The following MYT1L variants were observed in gnomAD, a reference collection of about 807,000 sequenced individuals.
MYT1L encodes myelin transcription factor 1 like.
MYT1L carries 12 observed loss-of-function variants against 126.7 expected under a neutral mutation model. That is an observed-to-expected ratio of 0.09 (90% CI 0.06 to 0.15). MYT1L has a LOEUF of 0.15. Ranked by LOEUF, MYT1L falls within the 10% of genes least tolerant of loss-of-function variation. MYT1L has a pLI of 1.00. For missense variants in MYT1L, 979 were observed against 1,585.2 expected, an observed-to-expected ratio of 0.62 and a Z score of 6.49; for synonymous variants, 541 against 604.2, an observed-to-expected ratio of 0.90 and a Z score of 1.53.
chr2:1,966,357 A>G (rs1036461191), intron 8 of MYT1L, among the ~76,000 whole-genome samples: 2 of 152,242 alleles, frequency 1.3e-5, no homozygotes, highest in African/African-American at 4.8e-5. Context: ...AAAACAAGAC[A>G]ATTCCGGTTT....
chr2:2,197,036 A>G (rs1361665601), intron 2 of MYT1L, among the ~76,000 whole-genome samples: 1 of 152,136 alleles, frequency 6.6e-6, no homozygotes, highest in Non-Finnish European at 1.5e-5. Context: ...GTTAAGGAAA[A>G]TTATTATAAA....
intron 10 of MYT1L, among the ~76,000 whole-genome samples, chr2:1,920,523 C>T (rs1228856408): frequency 6.6e-6 from 1 of 152,092 alleles, no homozygotes; most frequent in Admixed American, 6.5e-5. Context: ...AATCAGCCTT[C>T]CCTTGACACA....
intron 8 of MYT1L, among the ~76,000 whole-genome samples, chr2:1,945,912 G>A (rs993508464): frequency 2.6e-5 from 4 of 152,164 alleles, no homozygotes; most frequent in African/African-American, 9.7e-5. Flanking sequence ...CGAAAGGGAA[G>A]AGAAACAATT....
intron 3 of MYT1L, among the ~76,000 whole-genome samples, chr2:2,058,699 T>C (rs1436137179): frequency 6.6e-6 from 1 of 152,242 alleles, no homozygotes; most frequent in Non-Finnish European, 1.5e-5. Flanking sequence ...TGGGGAATGA[T>C]AACAGTAGTA....
chr2:1,906,915 A>C (rs187609870), intron 13 of MYT1L, among the ~76,000 whole-genome samples: 24 of 151,086 alleles, frequency 1.6e-4, no homozygotes, highest in African/African-American at 4.8e-4. Context: ...CTGTCTCTCC[A>C]AAATAATAAT....
chr2:2,080,222 A>G (rs1321295709), intron 3 of MYT1L, among the ~76,000 whole-genome samples: 1 of 152,226 alleles, frequency 6.6e-6, no homozygotes, highest in Non-Finnish European at 1.5e-5. Flanking sequence ...AACTCCTAGA[A>G]GAAAACCTAT....
intron 1 of MYT1L, among the ~76,000 whole-genome samples, chr2:2,311,437 T>C (rs2095968948): frequency 1.3e-5 from 2 of 152,198 alleles, no homozygotes; most frequent in South Asian, 2.1e-4. Flanking sequence ...GATCCCAAGA[T>C]GTGAGATGTA....
chr2:1,960,086 T>G (rs1445112173), intron 8 of MYT1L, among the ~76,000 whole-genome samples: 2 of 152,196 alleles, frequency 1.3e-5, no homozygotes, highest in African/African-American at 4.8e-5. Flanking sequence ...AGATGAAACC[T>G]CAGAGGATTT....
At chr2:1,974,182 C>T (rs1234071456) in intron 8 of MYT1L, among the ~76,000 whole-genome samples, 2 of 152,164 alleles carry the variant, frequency 1.3e-5, no homozygotes, top group Non-Finnish European at 2.9e-5. Flanking sequence ...TTGGGATACT[C>T]ACTTAGGATG....
At chr2:2,281,459 G>C (rs534060826) in intron 2 of MYT1L, among the ~76,000 whole-genome samples, 2 of 152,250 alleles carry the variant, frequency 1.3e-5, no homozygotes, top group South Asian at 4.2e-4. Flanking sequence ...GTACAGAAGT[G>C]GGAAGAGTAA....
intron 10 of MYT1L, among the ~76,000 whole-genome samples, chr2:1,918,888 G>A (rs965393556): frequency 3.9e-5 from 6 of 152,126 alleles, no homozygotes; most frequent in African/African-American, 7.2e-5. Flanking sequence ...GCACTTTATT[G>A]CCTTTTCAGT....
chr2:1,851,877 C>A (rs943740991), intron 18 of MYT1L, among the ~76,000 whole-genome samples, 174 bp from the exon 19 acceptor site: 1 of 152,176 alleles, frequency 6.6e-6, no homozygotes, highest in Admixed American at 6.5e-5. Flanking sequence ...TGACCACACA[C>A]ACACCTTCCA....
chr2:1,883,196 A>T (rs927671598), intron 18 of MYT1L, among the ~76,000 whole-genome samples: 4 of 152,194 alleles, frequency 2.6e-5, no homozygotes, highest in Non-Finnish European at 1.5e-5. Context: ...AATAAGGAGG[A>T]ATCTTAATTT....
At chr2:2,267,916 C>T (rs1240631436) in intron 2 of MYT1L, among the ~76,000 whole-genome samples, 2 of 152,092 alleles carry the variant, frequency 1.3e-5, no homozygotes, top group East Asian at 1.9e-4. Context: ...CCTAAGCTCC[C>T]ACACCACTCA....
At chr2:1,932,548 T>G (rs2055151956) in intron 9 of MYT1L, among the ~76,000 whole-genome samples, 1 of 152,094 alleles carries the variant, frequency 6.6e-6, no homozygotes, top group Admixed American at 6.5e-5. Flanking sequence ...TCCATTGCAG[T>G]TGGTGAAAGA....
intron 1 of MYT1L, among the ~76,000 whole-genome samples, chr2:2,306,389 T>C (rs143158294): frequency 2.0e-5 from 3 of 152,214 alleles, no homozygotes; most frequent in Non-Finnish European, 4.4e-5. Context: ...GTAGGTAAAG[T>C]AAAATGCTGT....
At chr2:1,813,981 C>A (rs1423700519) in intron 21 of MYT1L, among the ~76,000 whole-genome samples, 10 of 137,262 alleles carry the variant, frequency 7.3e-5, no homozygotes, top group African/African-American at 2.7e-4. Context: ...GAGCCGAGAT[C>A]GCGCCACTGC....
rs185763331 is a variant in MYT1L at position 2,110,270 on chromosome 2, T to A, written c.-303-56147A>T. ...AGTGCTCCAGTACCTCCTACTATAA[T>A]ATAATATAGAATATAATATAGGTCT... On this transcript the variant is annotated intron_variant, in intron 3 of 24. Coordinates refer to ENST00000647738, the MANE Select transcript of MYT1L (RefSeq NM_001303052.2). Among the ~76,000 whole-genome samples, 52 of 152,196 alleles carry A rather than the reference T, an allele frequency of 3.4e-4. 1 individual carries two copies. In the East Asian group the frequency reaches 9.9e-3, roughly 29 times the overall value.
intron 4 of MYT1L, among the ~76,000 whole-genome samples, chr2:2,033,684 G>C (rs1246880202): frequency 6.6e-6 from 1 of 152,180 alleles, no homozygotes; most frequent in African/African-American, 2.4e-5. Flanking sequence ...AATAGAGGTG[G>C]GTGGAGTAGG....
Sources: gnomAD v4.1 joint callset for allele counts (sites outside exome capture counted in the v4.1 genomes callset) on GRCh38, gnomAD v4.1.1 for gene constraint, MANE v1.5 for transcripts, NCBI Gene and HGNC (gene_info 2026-07-23, HGNC 2026-07-21) for gene names.